The following TRDN variants were observed in gnomAD, a reference collection of about 807,000 sequenced individuals.
TRDN encodes triadin in skeletal muscle.
TRDN carries 161 observed loss-of-function variants against 149.7 expected under a neutral mutation model. That is an observed-to-expected ratio of 1.08 (90% CI 0.95 to 1.23). The LOEUF (loss-of-function observed/expected upper bound fraction) is 1.23. Ranked by LOEUF, TRDN falls within the 50% of genes most tolerant of loss-of-function variation. The pLI is 0.00. For synonymous variants in TRDN, 294 were observed against 250.5 expected, an observed-to-expected ratio of 1.17 and a Z score of -1.64; for missense variants, 896 against 823.5, an observed-to-expected ratio of 1.09 and a Z score of -1.08.
intron 10 of TRDN, among the ~76,000 whole-genome samples, chr6:123,446,410 A>G (rs1269743241): frequency 6.6e-6 from 1 of 151,718 alleles, no homozygotes; most frequent in African/African-American, 2.4e-5. Context: ...AAATAAATAA[A>G]TGAATTACCT....
At position 123,545,808 on chromosome 6, in the gene TRDN, T is replaced by TAGTAAAACAGCTTTGTATGAATTTGCAG. The variant is rs562560366; in HGVS notation, c.424+1504_424+1531dup. On this transcript the variant is annotated intron_variant, in intron 4 of 40. Transcript: ENST00000334268. Reference sequence around the variant, plus strand: ...ATCAAGGAAATAATTTAAGAAACAATAGTAAAACAGCTTTGTATGAATTTG... The same window carrying TAGTAAAACAGCTTTGTATGAATTTGCAG: ...ATCAAGGAAATAATTTAAGAAACAATAGTAAAACAGCTTTGTATGAATTTGCAGAGTAAAACAGCTTTGTATGAATTTG... Among the ~76,000 whole-genome samples, 76 of 152,136 alleles carry TAGTAAAACAGCTTTGTATGAATTTGCAG rather than the reference T, an allele frequency of 5.0e-4. No individual in the cohort carries two copies. The East Asian group carries it at 9.5e-3, about 19-fold the overall frequency.
chr6:123,598,348 T>C (rs1784129855), intron 1 of TRDN, among the ~76,000 whole-genome samples: 1 of 152,094 alleles, frequency 6.6e-6, no homozygotes, highest in Admixed American at 6.6e-5. Flanking sequence ...ACAGATCGTA[T>C]TGTATGTATA....
intron 37 of TRDN, among the ~76,000 whole-genome samples, chr6:123,254,619 T>A (rs1776490165): frequency 6.6e-6 from 1 of 151,968 alleles, no homozygotes. Flanking sequence ...AAGAAAAAAA[T>A]GTCTGCATTG....
At chr6:123,590,013 A>G (rs1783702656) in intron 1 of TRDN, among the ~76,000 whole-genome samples, 1 of 152,132 alleles carries the variant, frequency 6.6e-6, no homozygotes, top group African/African-American at 2.4e-5. Context: ...ATTTCCATCC[A>G]TTTGTTGGAA....
chr6:123,265,087 G>A (rs184844892), intron 33 of TRDN, among the ~76,000 whole-genome samples: 1 of 152,002 alleles, frequency 6.6e-6, no homozygotes, highest in East Asian at 1.9e-4. Flanking sequence ...GTGCTTATTG[G>A]TCTAGGGCTT....
chr6:123,270,416 A>T (rs1777167410), intron 30 of TRDN, among the ~76,000 whole-genome samples: 1 of 151,924 alleles, frequency 6.6e-6, no homozygotes, highest in Admixed American at 6.6e-5. Flanking sequence ...ATCTCAGGGA[A>T]AAACATGTTT....
At chr6:123,548,362 A>G in intron 3 of TRDN, 92 bp downstream of exon 3, 1 of 1,078,638 alleles carries the variant, frequency 9.3e-7, no homozygotes. Flanking sequence ...GCTTGACCCA[A>G]GTGCTCATTT....
intron 23 of TRDN, 77 bp from the exon 24 acceptor site, chr6:123,316,572 T>G: frequency 7.8e-7 from 1 of 1,276,706 alleles, no homozygotes; most frequent in Non-Finnish European, 1.1e-6. Flanking sequence ...CAGTACAAAG[T>G]GGATTAATAG....
chr6:123,580,583 C>T (rs1208516223), intron 1 of TRDN, among the ~76,000 whole-genome samples: 1 of 152,120 alleles, frequency 6.6e-6, no homozygotes, highest in East Asian at 1.9e-4. Flanking sequence ...TTAACTTCCT[C>T]TTTGTTGTCC....
intron 1 of TRDN, among the ~76,000 whole-genome samples, chr6:123,574,988 A>G (rs1782776764): frequency 6.6e-6 from 1 of 150,740 alleles, no homozygotes; most frequent in Non-Finnish European, 1.5e-5. Flanking sequence ...CGTTTTCTAA[A>G]CAACTGACAT....
rs180929864 is a variant in TRDN at position 123,377,865 on chromosome 6, C to A, written c.1219+1G>T. 13 of 1,562,958 alleles carry A rather than the reference C, an allele frequency of 8.3e-6. No homozygotes were observed. Among genetic ancestry groups the A allele is most frequent in the Non-Finnish European group, 1.1e-5 (13 of 1,144,510 alleles). The stretch of plus-strand genomic sequence containing the variant: ...GAACAGAGGAATTTAAAAACAGTTA[C>A]CTGGTTCCACATGTTTTTCTTTCTT... On this transcript the variant is annotated splice_donor_variant, in intron 17 of 40. Transcript: ENST00000334268. LOFTEE classifies it high-confidence loss of function.
At chr6:123,370,345 AG>A (rs1781277137) in intron 19 of TRDN, among the ~76,000 whole-genome samples, 1 of 152,082 alleles carries the variant, frequency 6.6e-6, no homozygotes, top group African/African-American at 2.4e-5. Context: ...TATAATATTT[AG>A]TGTTATATAA....
At position 123,351,820 on chromosome 6, in the gene TRDN, G is replaced by C. The variant is rs753883792; in HGVS notation, c.1369+719C>G. The C allele has an allele frequency of 5.5e-5, 52 of 939,260 alleles. No individual in the cohort carries two copies. In the Admixed American group the frequency reaches 5.6e-4, roughly 10 times the overall value. 58.2% of individuals were successfully genotyped at this position (939,260 alleles called of 1,614,324 possible). ...CAATAAATATAGTATTATTATATAA[G>C]AGCAATGACATGAGGGAACGACAAT... On this transcript the variant is annotated intron_variant, in intron 21 of 40. Coordinates refer to ENST00000334268, the MANE Select transcript of TRDN (RefSeq NM_006073.4).
At chr6:123,523,439 G>A (rs1203674919) in intron 5 of TRDN, among the ~76,000 whole-genome samples, 1 of 152,064 alleles carries the variant, frequency 6.6e-6, no homozygotes, top group African/African-American at 2.4e-5. Context: ...CTACGAAGCT[G>A]GAACGCTGTA....
At chr6:123,555,589 C>G (rs1781612983) in intron 2 of TRDN, among the ~76,000 whole-genome samples, 1 of 152,026 alleles carries the variant, frequency 6.6e-6, no homozygotes, top group Admixed American at 6.6e-5. Context: ...AGAAGCAACA[C>G]TTGATATTTT....
intron 10 of TRDN, among the ~76,000 whole-genome samples, chr6:123,443,090 G>C (rs1286852543): frequency 6.6e-6 from 1 of 151,784 alleles, no homozygotes; most frequent in Admixed American, 6.6e-5. Context: ...AATTTTCCTG[G>C]GAATGGGTAA....
intron 4 of TRDN, among the ~76,000 whole-genome samples, chr6:123,539,285 G>A (rs949442316): frequency 1.3e-5 from 2 of 152,112 alleles, no homozygotes; most frequent in African/African-American, 4.8e-5. Context: ...AATTCATTAT[G>A]TCTAGATGGA....
rs140322289 is a variant in TRDN at position 123,509,284 on chromosome 6, C to G, written c.610+3019G>C. Among the ~76,000 whole-genome samples, 289 of 152,164 alleles carry G rather than the reference C, an allele frequency of 1.9e-3. 2 individuals carry two copies. Among genetic ancestry groups the G allele is most frequent in the Admixed American group, 5.3e-3 (81 of 15,250 alleles). ...CAAGATGGCTCCCAGTGACTCCCAA[C>G]TTGTGGCATTCATATCCTTGTGCAA... is the stretch of plus-strand genomic sequence containing the variant. On this transcript the variant is annotated intron_variant, in intron 7 of 40. Transcript: ENST00000334268.
intron 38 of TRDN, among the ~76,000 whole-genome samples, chr6:123,234,261 A>G (rs1362784871): frequency 6.6e-6 from 1 of 152,132 alleles, no homozygotes; most frequent in African/African-American, 2.4e-5. Flanking sequence ...GACCTCTAAC[A>G]AAACAGAAGT....
Sources: allele counts gnomAD v4.1 joint callset (sites outside exome capture counted in the v4.1 genomes callset), GRCh38; gene constraint gnomAD v4.1.1; transcripts MANE v1.5; gene names NCBI Gene and HGNC (gene_info 2026-07-23, HGNC 2026-07-21).